TOR1AIP1: variants seen among roughly 807,000 people sequenced by gnomAD.
TOR1AIP1 encodes the protein torsin 1A interacting protein 1.
Under a neutral mutation model 63.3 loss-of-function variants are expected in TOR1AIP1, and 54 were observed. That is an observed-to-expected ratio of 0.85 (90% CI 0.69 to 1.07). The LOEUF (loss-of-function observed/expected upper bound fraction) is 1.07, where lower values mean the gene tolerates loss of function less well. Ranked by LOEUF, TOR1AIP1 falls within the 50% of genes least tolerant of loss-of-function variation. The pLI is 0.00. For missense variants in TOR1AIP1, 736 were observed against 715.0 expected (o/e 1.03, Z -0.33); for synonymous variants, 294 against 273.5 (o/e 1.07, Z -0.74).
At chr1:179,887,516 G>A (rs1466491425) in intron 2 of TOR1AIP1, among the ~76,000 whole-genome samples, 1 of 152,120 alleles carries the variant, frequency 6.6e-6, no homozygotes, top group Non-Finnish European at 1.5e-5. Flanking sequence ...TTCAGAACAG[G>A]AATATAGTTT....
In TOR1AIP1 at chr1:179,889,359, C is replaced by T. The variant is rs754181614; in HGVS notation, c.600C>T (p.Tyr200=). ...GGTTACGTCGACCCCCTCTAAGATA[C>T]CCAAGATATGGTAAGAGATTGTTTG... ...VIRLRRPPLR[Y]PRYEATSVQQ... is the part of the protein sequence containing the mutation. The change falls in exon 3 of 10, where the codon TAC becomes TAT. Residue 200 remains tyrosine (Y), a synonymous_variant. Transcript: ENST00000606911. The T allele has an allele frequency of 4.4e-6, 7 of 1,605,982 alleles. No homozygotes were observed. The highest frequency in any genetic ancestry group is 6.0e-6 in the Non-Finnish European group (7 of 1,174,206).
chr1:179,883,826 GC>G (rs199863731), intron 1 of TOR1AIP1: 6 of 333,408 alleles, frequency 1.8e-5, no homozygotes, highest in African/African-American at 7.6e-5. Flanking sequence ...CTCCCACCCT[GC>G]CCCCCCCATT....
rs139644855 is a variant in TOR1AIP1 at position 179,893,265 on chromosome 1, C to CA, written c.610+3908dup. Among the ~76,000 whole-genome samples the CA allele has an allele frequency of 3.6e-4, 53 of 148,592 alleles. No homozygotes were observed. In the South Asian group the frequency reaches 3.6e-3, roughly 10 times the overall value. On this transcript the variant is annotated intron_variant, in intron 3 of 9. Transcript: ENST00000606911. ...CTCCAAAAACAAACAAACAAACAAA[C>CA]AAAAAAAAAAAAGTGACATTTTTCA...
chr1:179,915,462 A>T (rs1378211387), intron 9 of TOR1AIP1, among the ~76,000 whole-genome samples: 1 of 152,250 alleles, frequency 6.6e-6, no homozygotes, highest in Non-Finnish European at 1.5e-5. Context: ...AAGACTTTAA[A>T]AAAGTGTTAA....
At chr1:179,903,425 G>T (rs1426121205) in intron 5 of TOR1AIP1, among the ~76,000 whole-genome samples, 1 of 152,058 alleles carries the variant, frequency 6.6e-6, no homozygotes. Context: ...CATTACCTTG[G>T]GGCATGTTCT....
intron 3 of TOR1AIP1, among the ~76,000 whole-genome samples, chr1:179,893,908 TCTA>T (rs1404167519): frequency 6.6e-6 from 1 of 152,190 alleles, no homozygotes; most frequent in Non-Finnish European, 1.5e-5. Flanking sequence ...GCTTAAAATA[TCTA>T]CTATTTAGTC....
intron 3 of TOR1AIP1, among the ~76,000 whole-genome samples, chr1:179,893,486 G>T (rs142548065): frequency 6.6e-6 from 1 of 151,884 alleles, no homozygotes; most frequent in African/African-American, 2.4e-5. Flanking sequence ...TGTCACCCAC[G>T]CTGGACTGTA....
intron 6 of TOR1AIP1, among the ~76,000 whole-genome samples, chr1:179,905,362 C>T (rs1233266133): frequency 6.6e-6 from 1 of 151,988 alleles, no homozygotes; most frequent in Non-Finnish European, 1.5e-5. Context: ...GCCTGGGCGA[C>T]AGAGTGAGAC....
In TOR1AIP1 at chr1:179,918,175, G is replaced by A. The variant is rs748833315; in HGVS notation, c.1688G>A (p.Arg563His). ...GACAAACTGAATGGCCTCTGGAGCC[G>A]TATTTCTCACTTAGTTCTGCCTGTG... ...DPDKLNGLWS[R>H]ISHLVLPVQP... Residue 563 changes from arginine to histidine, a missense_variant, in exon 10 of 10, where the codon CGT (arginine) becomes CAT (histidine). Arg to His is a conservative substitution (Grantham distance 29, BLOSUM62 0). This residue lies in a region of TOR1AIP1 where 272 missense variants were observed against 344.1 expected (regional missense o/e 0.79). Coordinates refer to ENST00000606911, the MANE Select transcript of TOR1AIP1 (RefSeq NM_015602.4). 16 of 1,611,730 alleles carry A rather than the reference G, an allele frequency of 9.9e-6. No homozygotes were observed. Among genetic ancestry groups the A allele is most frequent in the African/African-American group, 4.0e-5 (3 of 74,922 alleles).
rs751335720 is a variant in TOR1AIP1 at position 179,913,960 on chromosome 1, A to G, written c.908-38A>G. ...GAAATAAATACTCAAATTATGAAGCATAAGTTGATAGTCTTATTTTATTAC... is the reference window on the plus strand; with the variant it reads ...GAAATAAATACTCAAATTATGAAGCGTAAGTTGATAGTCTTATTTTATTAC... On this transcript the variant is annotated intron_variant, in intron 8 of 9. Coordinates refer to ENST00000606911, the MANE Select transcript of TOR1AIP1 (RefSeq NM_015602.4). 9 of 1,562,410 alleles carry G rather than the reference A, an allele frequency of 5.8e-6. No homozygotes were observed. In the East Asian group the frequency reaches 1.3e-4, roughly 23 times the overall value.
intron 8 of TOR1AIP1, among the ~76,000 whole-genome samples, chr1:179,910,341 T>C (rs190123511): frequency 1.8e-4 from 28 of 152,300 alleles, no homozygotes; most frequent in African/African-American, 6.5e-4. Context: ...ATCTTATATC[T>C]CTTGCTCATG....
intron 8 of TOR1AIP1, among the ~76,000 whole-genome samples, chr1:179,909,471 T>C (rs1404972511): frequency 6.6e-6 from 1 of 151,946 alleles, no homozygotes; most frequent in East Asian, 1.9e-4. Context: ...AGTACAGTGG[T>C]GCAACCTCAG....
At chr1:179,895,052 G>A (rs769492825) in intron 3 of TOR1AIP1, among the ~76,000 whole-genome samples, 5 of 152,168 alleles carry the variant, frequency 3.3e-5, no homozygotes, top group Non-Finnish European at 7.3e-5. Context: ...CACTAGAGGC[G>A]ATGACTGTTA....
At chr1:179,913,241 G>A (rs1043680181) in intron 8 of TOR1AIP1, among the ~76,000 whole-genome samples, 1 of 151,650 alleles carries the variant, frequency 6.6e-6, no homozygotes, top group Non-Finnish European at 1.5e-5. Context: ...CGGAATTACA[G>A]GCATGAACCA....
chr1:179,917,733 C>T lies in TOR1AIP1; in HGVS notation c.1246C>T (p.Arg416Ter), dbSNP rs1649064391. 3 of 1,614,036 alleles carry T rather than the reference C, an allele frequency of 1.9e-6. No individual in the cohort carries two copies. Among genetic ancestry groups the T allele is most frequent in the African/African-American group, 1.3e-5 (1 of 74,924 alleles). Residue 416 changes from arginine (R) to a stop codon, truncating the protein, a stop_gained, in exon 10 of 10, where the codon CGA becomes TGA. Coordinates refer to ENST00000606911, the MANE Select transcript of TOR1AIP1 (RefSeq NM_015602.4). LOFTEE classifies it high-confidence loss of function. ...TGCTATCTTACTGCTCACTGCTGCCCGAGATGCTGAAGAAGCACTTAGGTG... is the reference window on the plus strand; with the variant it reads ...TGCTATCTTACTGCTCACTGCTGCCTGAGATGCTGAAGAAGCACTTAGGTG... ...QPAILLLTAA[R>*]DAEEALRCLS...
chr1:179,884,703 T>A lies in TOR1AIP1; in HGVS notation c.487T>A (p.Ser163Thr). The change falls in exon 2 of 10, where the codon TCT (serine) becomes ACT (threonine). Residue 163 changes from serine (S) to threonine (T), a missense_variant. Ser to Thr is a moderately conservative substitution (Grantham distance 58). Coordinates refer to ENST00000606911, the MANE Select transcript of TOR1AIP1 (RefSeq NM_015602.4). ...DSHSSEEDEASSQTDLSQTIS... is the reference protein window; with the variant it reads ...DSHSSEEDEATSQTDLSQTIS... ...TGTCTGTTTTTTAGAGGATGAAGCA[T>A]CTTCCCAAACTGATTTAAGCCAAAC... The A allele has an allele frequency of 1.2e-6, 2 of 1,610,458 alleles. No individual in the cohort carries two copies. Among genetic ancestry groups the A allele is most frequent in the Non-Finnish European group, 1.7e-6 (2 of 1,178,686 alleles).
At chr1:179,889,242 G>T in intron 2 of TOR1AIP1, 71 bp from the exon 3 acceptor site, 2 of 1,219,190 alleles carry the variant, frequency 1.6e-6, no homozygotes, top group Non-Finnish European at 2.3e-6. Flanking sequence ...AATAAGGGAT[G>T]ATCATGTAAT....
At chr1:179,889,411 A>T in intron 3 of TOR1AIP1, 42 bp downstream of exon 3, 1 of 1,514,988 alleles carries the variant, frequency 6.6e-7, no homozygotes, top group Non-Finnish European at 9.1e-7. Flanking sequence ...TGTTATAAAT[A>T]CAGTTTTATT....
intron 6 of TOR1AIP1, among the ~76,000 whole-genome samples, chr1:179,907,609 A>ATATATATATATATATATATATG (rs1553243770): frequency 4.3e-5 from 1 of 23,384 alleles, no homozygotes; most frequent in Non-Finnish European, 1.1e-4. Flanking sequence ...ATATATATAT[A>ATATATATATATATATATATATG]TATATATATG....
Sources: allele counts gnomAD v4.1 joint callset (sites outside exome capture counted in the v4.1 genomes callset), GRCh38; gene constraint gnomAD v4.1.1; regional missense constraint gnomAD v4.1.1; transcripts MANE v1.5; gene names NCBI Gene and HGNC (gene_info 2026-07-23, HGNC 2026-07-21).